SHANK2: variants seen among roughly 807,000 people sequenced by gnomAD.
The protein encoded by SHANK2 is SH3 and multiple ankyrin repeat domains 2.
SHANK2 carries 43 observed loss-of-function variants against 133.7 expected under a neutral mutation model. That is an observed-to-expected ratio of 0.32 (90% CI 0.25 to 0.41). The LOEUF (loss-of-function observed/expected upper bound fraction) is 0.41. Ranked by LOEUF, SHANK2 falls within the 10% of genes least tolerant of loss-of-function variation. The pLI is 1.00. For synonymous variants in SHANK2, 1,017 were observed against 952.8 expected, an observed-to-expected ratio of 1.07 and a Z score of -1.24; for missense variants, 1,994 against 2,235.8, an observed-to-expected ratio of 0.89 and a Z score of 2.18.
At chr11:70,796,172 C>T (rs1947907325) in intron 14 of SHANK2, among the ~76,000 whole-genome samples, 1 of 152,146 alleles carries the variant, frequency 6.6e-6, no homozygotes, top group African/African-American at 2.4e-5. Flanking sequence ...CTAGAGAAAG[C>T]CATACGTTCT....
At chr11:70,775,347 T>C (rs1406971893) in intron 14 of SHANK2, among the ~76,000 whole-genome samples, 1 of 152,050 alleles carries the variant, frequency 6.6e-6, no homozygotes, top group Non-Finnish European at 1.5e-5. Flanking sequence ...TCCCAGCTAC[T>C]CGGGAGGGTG....
chr11:71,097,469 T>C (rs552828935), intron 6 of SHANK2, among the ~76,000 whole-genome samples: 1 of 152,200 alleles, frequency 6.6e-6, no homozygotes, highest in East Asian at 1.9e-4. Context: ...ATTTCTTTAG[T>C]TTTAAAAATA....
intron 21 of SHANK2, among the ~76,000 whole-genome samples, chr11:70,492,673 T>C (rs1320931713): frequency 2.0e-5 from 3 of 152,056 alleles, no homozygotes; most frequent in African/African-American, 4.8e-5. Context: ...CTCGGAGGCA[T>C]GCACGAGGCA....
At chr11:70,839,817 T>TTA (rs1555061101) in intron 11 of SHANK2, among the ~76,000 whole-genome samples, 1 of 152,182 alleles carries the variant, frequency 6.6e-6, no homozygotes, top group African/African-American at 2.4e-5. Context: ...CGAATCCAAA[T>TTA]GCACATTTAT....
chr11:71,177,045 A>G (rs1184477717), intron 2 of SHANK2, among the ~76,000 whole-genome samples: 13 of 152,356 alleles, frequency 8.5e-5, no homozygotes, highest in Admixed American at 7.2e-4. Flanking sequence ...GATTCAAGTG[A>G]GCAGACAGTG....
intron 17 of SHANK2, among the ~76,000 whole-genome samples, chr11:70,570,212 C>G (rs540078099): frequency 6.6e-6 from 1 of 152,230 alleles, no homozygotes; most frequent in South Asian, 2.1e-4. Context: ...CACGCCGACC[C>G]GCAGGAGTCC....
rs1555158195 is a variant in SHANK2, at chr11:70,500,573, T to C, written c.2305A>G (p.Lys769Glu). 1 of 1,603,828 alleles carries C rather than the reference T, an allele frequency of 6.2e-7. No homozygotes were observed. Among genetic ancestry groups the C allele is most frequent in the Non-Finnish European group, 8.5e-7 (1 of 1,175,414 alleles). ...LVDKASVRKK[K>E]DKPEEIVPAS... is the part of the protein sequence containing the mutation. ...ACAGACACTGGGCCTCCCTTACCCT[T>C]CTTCTTCCGGACCGAGGCTTGCAAA... Residue 769 changes from lysine to glutamate, a missense_variant, in exon 21 of 26, where the codon AAG becomes GAG. Around this residue, in one of 5 missense-constraint regions of SHANK2, gnomAD observed 488 missense variants for 642.6 expected, o/e 0.76. Transcript: ENST00000601538. The surrounding 1 kb of genome is among the most constrained non-coding windows in gnomAD (Gnocchi z 4.5).
chr11:70,697,424 C>T (rs570620837), intron 15 of SHANK2, among the ~76,000 whole-genome samples: 23 of 152,206 alleles, frequency 1.5e-4, no homozygotes, highest in African/African-American at 5.3e-4. Context: ...ATTCCATCTA[C>T]GCGCAGCACC....
intron 25 of SHANK2, among the ~76,000 whole-genome samples, chr11:70,484,414 C>T (rs992670695): frequency 1.3e-5 from 2 of 152,116 alleles, no homozygotes; most frequent in Non-Finnish European, 2.9e-5. Flanking sequence ...CCGACTCCCT[C>T]TTGCTCCCCC....
At chr11:70,884,083 G>A (rs975600152) in intron 11 of SHANK2, among the ~76,000 whole-genome samples, 1 of 152,342 alleles carries the variant, frequency 6.6e-6, no homozygotes, top group East Asian at 1.9e-4. Context: ...TGGATGCAGA[G>A]AGCAAGAGGA....
chr11:70,654,241 G>C (rs2061376147), intron 17 of SHANK2: 2 of 152,216 alleles, frequency 1.3e-5, no homozygotes, highest in Non-Finnish European at 2.9e-5. Context: ...AGGCGGGTAA[G>C]GAATGGCCCC....
At chr11:70,929,691 G>A (rs1950476271) in intron 10 of SHANK2, among the ~76,000 whole-genome samples, 2 of 152,304 alleles carry the variant, frequency 1.3e-5, no homozygotes, top group Non-Finnish European at 2.9e-5. Context: ...GACTCAGATA[G>A]TCCAAAACTA....
chr11:70,913,103 T>G (rs61885539), intron 10 of SHANK2, among the ~76,000 whole-genome samples: 2 of 148,860 alleles, frequency 1.3e-5, no homozygotes, highest in African/African-American at 4.9e-5. Flanking sequence ...AAAAAAAACC[T>G]ACCCTCCCAT....
chr11:70,635,787 A>G (rs1270431043), intron 17 of SHANK2, among the ~76,000 whole-genome samples: 1 of 150,942 alleles, frequency 6.6e-6, no homozygotes, highest in African/African-American at 2.4e-5. Context: ...AAGTGAATGG[A>G]GCAAATGGCG....
At chr11:70,587,698 GTT>G (rs34539549) in intron 17 of SHANK2, among the ~76,000 whole-genome samples, 23,693 of 119,464 alleles carry the variant, frequency 0.2, 2,325 homozygotes, top group East Asian at 0.39. Context: ...AGCACGTCCA[GTT>G]TTTTTTTTTT....
chr11:70,834,494 C>G (rs947640994), intron 11 of SHANK2, among the ~76,000 whole-genome samples: 2 of 152,196 alleles, frequency 1.3e-5, no homozygotes, highest in African/African-American at 4.8e-5. Context: ...GGGGCCAAGC[C>G]AGGAGCAGGG....
rs1554987001 is a variant in SHANK2, at chr11:70,587,258, C to G, written c.2061+72570G>C. On this transcript the variant is annotated intron_variant, in intron 17 of 25. Coordinates refer to ENST00000601538, the MANE Select transcript of SHANK2 (RefSeq NM_012309.5). ...CCACATGAATCACCAAGAAATGAAG[C>G]AATGCACTTGCCAGTCCCTCCTCTA... Among the ~76,000 whole-genome samples, 6 of 152,188 alleles carry G rather than the reference C, an allele frequency of 3.9e-5. 1 individual carries two copies. Among genetic ancestry groups the G allele is most frequent in the Admixed American group, 3.9e-4 (6 of 15,288 alleles).
At chr11:70,597,485 A>C (rs2060417300) in intron 17 of SHANK2, among the ~76,000 whole-genome samples, 1 of 152,002 alleles carries the variant, frequency 6.6e-6, no homozygotes, top group Non-Finnish European at 1.5e-5. Flanking sequence ...GAGGATAGAG[A>C]GGGTAGAGAG....
At chr11:70,656,273 A>C (rs1555011592) in intron 17 of SHANK2, among the ~76,000 whole-genome samples, 1 of 152,130 alleles carries the variant, frequency 6.6e-6, no homozygotes, top group Non-Finnish European at 1.5e-5. Flanking sequence ...ACAAGCTCTA[A>C]TCATTATGAA....
Sources: allele counts gnomAD v4.1 joint callset (sites outside exome capture counted in the v4.1 genomes callset), GRCh38; gene constraint gnomAD v4.1.1; regional missense constraint gnomAD v4.1.1; non-coding constraint Gnocchi (gnomAD v3.1); transcripts MANE v1.5; gene names NCBI Gene and HGNC (gene_info 2026-07-23, HGNC 2026-07-21).